TSPAN9: variants seen among roughly 807,000 people sequenced by gnomAD.
TSPAN9 encodes the protein tetraspanin-9.
TSPAN9 carries 16 observed loss-of-function variants against 31.0 expected under a neutral mutation model. That is an observed-to-expected ratio of 0.52 (90% CI 0.35 to 0.78). The LOEUF (loss-of-function observed/expected upper bound fraction) is 0.78. Among genes scored for constraint, TSPAN9 ranks in the 30% least tolerant of loss-of-function variants. The pLI is 0.01. For synonymous variants in TSPAN9, 145 were observed against 121.6 expected, an observed-to-expected ratio of 1.19 and a Z score of -1.27; for missense variants, 272 against 312.5, an observed-to-expected ratio of 0.87 and a Z score of 0.98.
At chr12:3,200,392 G>T (rs1247043183) in intron 2 of TSPAN9, 1 of 152,236 alleles carries the variant, frequency 6.6e-6, no homozygotes, top group Non-Finnish European at 1.5e-5. Context: ...GGATCCCTCG[G>T]CACTGTCCGC....
At chr12:3,217,433 A>AT (rs934731355) in intron 3 of TSPAN9, among the ~76,000 whole-genome samples, 15 of 152,080 alleles carry the variant, frequency 9.9e-5, no homozygotes, top group Non-Finnish European at 1.6e-4. Flanking sequence ...GGAATGAGCC[A>AT]TCCTGCCCAG....
chr12:3,202,422 C>T (rs1279580519), intron 3 of TSPAN9, among the ~76,000 whole-genome samples: 1 of 152,210 alleles, frequency 6.6e-6, no homozygotes. Flanking sequence ...TTAGCCGAAA[C>T]ACTTTTTAGG....
chr12:3,228,115 G>A (rs1343622505), intron 3 of TSPAN9, among the ~76,000 whole-genome samples: 2 of 152,164 alleles, frequency 1.3e-5, no homozygotes, highest in African/African-American at 2.4e-5. Context: ...TTGGAAGGCC[G>A]AGATGGGAGG....
intron 2 of TSPAN9, among the ~76,000 whole-genome samples, chr12:3,138,210 G>T (rs2153967488): frequency 6.6e-6 from 1 of 152,338 alleles, no homozygotes; most frequent in African/African-American, 2.4e-5. Context: ...CCTGGGGCGG[G>T]TGTAGCTGGC....
chr12:3,198,230 C>T (rs111219500), intron 2 of TSPAN9, among the ~76,000 whole-genome samples: 26,414 of 43,366 alleles, frequency 0.61, 6,262 homozygotes, highest in East Asian at 0.68. Flanking sequence ...CAGGTCACCA[C>T]CAGCACAGGT....
At chr12:3,279,926 G>T (rs1379942036) in intron 5 of TSPAN9, among the ~76,000 whole-genome samples, 1 of 152,120 alleles carries the variant, frequency 6.6e-6, no homozygotes, top group African/African-American at 2.4e-5. Flanking sequence ...TAGAACAGCG[G>T]TGAGGGAGGT....
chr12:3,081,424 C>T (rs557844207), intron 1 of TSPAN9, among the ~76,000 whole-genome samples: 4 of 152,242 alleles, frequency 2.6e-5, no homozygotes, highest in South Asian at 2.1e-4. Context: ...ATGCTTTGCG[C>T]GTTCCTTCTT....
chr12:3,255,277 T>C (rs1385773949), intron 3 of TSPAN9, among the ~76,000 whole-genome samples: 1 of 152,216 alleles, frequency 6.6e-6, no homozygotes, highest in Non-Finnish European at 1.5e-5. Context: ...ATGGACCTCA[T>C]CTGACTGTGG....
rs540896410 is a variant in TSPAN9, at chr12:3,216,346, A to T, written c.63+15090A>T. 2.6e-5 allele frequency among the ~76,000 whole-genome samples: 4 copies of T among 152,276 alleles called. No homozygotes were observed. In the South Asian group the frequency reaches 8.3e-4, roughly 32 times the overall value. On this transcript the variant is annotated intron_variant, in intron 3 of 8. Coordinates refer to ENST00000011898, the MANE Select transcript of TSPAN9 (RefSeq NM_006675.5). ...GTTTTGGAGGTGCTCATTCGTGCCC[A>T]CATGGCCCTGGGTCCACATCTCTTT...
chr12:3,135,291 G>T (rs1356867603), intron 2 of TSPAN9, among the ~76,000 whole-genome samples: 1 of 152,150 alleles, frequency 6.6e-6, no homozygotes, highest in African/African-American at 2.4e-5. Flanking sequence ...TCACTGTGTT[G>T]CTCAGGCTGG....
At chr12:3,110,910 A>C (rs2098318239) in intron 2 of TSPAN9, among the ~76,000 whole-genome samples, 1 of 152,240 alleles carries the variant, frequency 6.6e-6, no homozygotes, top group African/African-American at 2.4e-5. Context: ...TTTAACCAGG[A>C]GTTAAATGAA....
intron 3 of TSPAN9, among the ~76,000 whole-genome samples, chr12:3,254,733 T>C (rs1272279296): frequency 6.6e-6 from 1 of 152,248 alleles, no homozygotes; most frequent in Non-Finnish European, 1.5e-5. Context: ...GGTTTGCACA[T>C]GAACTGTGGG....
At chr12:3,265,028 C>T (rs1862515629) in intron 3 of TSPAN9, among the ~76,000 whole-genome samples, 1 of 152,154 alleles carries the variant, frequency 6.6e-6, no homozygotes, top group Non-Finnish European at 1.5e-5. Flanking sequence ...TGGTGTTGGT[C>T]CAGCTGGCCC....
chr12:3,177,568 G>T (rs1192623204), intron 2 of TSPAN9, among the ~76,000 whole-genome samples: 1 of 152,184 alleles, frequency 6.6e-6, no homozygotes, highest in Non-Finnish European at 1.5e-5. Context: ...AACTAGCTGG[G>T]ATTACAGGTG....
intron 2 of TSPAN9, among the ~76,000 whole-genome samples, chr12:3,150,694 G>A (rs1039753917): frequency 2.6e-5 from 4 of 152,102 alleles, no homozygotes; most frequent in African/African-American, 9.7e-5. Flanking sequence ...TCTAGCTGGG[G>A]GTTGCCTTAG....
chr12:3,273,650 C>T (rs1418547155), intron 3 of TSPAN9, among the ~76,000 whole-genome samples: 1 of 152,232 alleles, frequency 6.6e-6, no homozygotes, highest in Non-Finnish European at 1.5e-5. Flanking sequence ...TGCCTCCTTC[C>T]TGTGCTATGT....
At chr12:3,186,555 T>C (rs2098361487) in intron 2 of TSPAN9, among the ~76,000 whole-genome samples, 1 of 150,126 alleles carries the variant, frequency 6.7e-6, no homozygotes, top group Admixed American at 6.6e-5. Flanking sequence ...TTTGTGTGTG[T>C]GTGTGTGTGT....
At chr12:3,081,838 G>GTATATATATATATATATATATA (rs1456999682) in intron 1 of TSPAN9, among the ~76,000 whole-genome samples, 1 of 31,000 alleles carries the variant, frequency 3.2e-5, no homozygotes, top group African/African-American at 2.4e-4. Context: ...GTGTGTGTCT[G>GTATATATATATATATATATATA]TGTGTGTATA....
chr12:3,183,773 C>T (rs2098359624), intron 2 of TSPAN9, among the ~76,000 whole-genome samples: 1 of 152,160 alleles, frequency 6.6e-6, no homozygotes, highest in African/African-American at 2.4e-5. Flanking sequence ...GGAAAGAACA[C>T]TGGACTAGAT....
Sources: gnomAD v4.1 joint callset for allele counts (sites outside exome capture counted in the v4.1 genomes callset) on GRCh38, gnomAD v4.1.1 for gene constraint, MANE v1.5 for transcripts, NCBI Gene and HGNC (gene_info 2026-07-23, HGNC 2026-07-21) for gene names.